LASP1: variants seen among roughly 807,000 people sequenced by gnomAD.
LASP1 encodes LIM and SH3 domain protein 1.
Under a neutral mutation model 38.6 loss-of-function variants are expected in LASP1, and 10 were observed. That is an observed-to-expected ratio of 0.26 (90% CI 0.16 to 0.44). LASP1 has a LOEUF of 0.44. LASP1 is among the 20% of genes least tolerant of loss of function. The pLI, the probability that LASP1 is intolerant of heterozygous loss-of-function variation, is 1.00. For missense variants in LASP1, 243 were observed against 375.7 expected, an observed-to-expected ratio of 0.65 and a Z score of 2.92; for synonymous variants, 132 against 140.8, an observed-to-expected ratio of 0.94 and a Z score of 0.44.
chr17:38,917,228 T>C (rs964402709), intron 6 of LASP1, among the ~76,000 whole-genome samples: 4 of 152,046 alleles, frequency 2.6e-5, no homozygotes, highest in African/African-American at 4.8e-5. Context: ...CAGCCCAAGA[T>C]AGAGGCAGAA....
At chr17:38,877,750 C>G (rs568183500) in intron 1 of LASP1, among the ~76,000 whole-genome samples, 3 of 152,310 alleles carry the variant, frequency 2.0e-5, no homozygotes, top group African/African-American at 7.2e-5. Flanking sequence ...CTCGCCAGCT[C>G]TGGGCAGGAG....
chr17:38,894,841 G>A (rs1381954120), intron 3 of LASP1, among the ~76,000 whole-genome samples: 2 of 152,008 alleles, frequency 1.3e-5, no homozygotes, highest in African/African-American at 2.4e-5. Context: ...AGACTCAAGC[G>A]ATTTTCTCGC....
At chr17:38,901,444 G>A (rs952585925) in intron 4 of LASP1, among the ~76,000 whole-genome samples, 5 of 152,182 alleles carry the variant, frequency 3.3e-5, no homozygotes, top group African/African-American at 4.8e-5. Context: ...AGACCTGTAG[G>A]GTGTGAATGC....
Position 38,906,507 on chromosome 17 carries a change from C to T in LASP1, c.358-7818C>T, listed in dbSNP as rs532918379. ...TCGCACCACTGCACTCCATCCTGGG[C>T]GACAGAGCAAGACTGTCTCAAAATA... On this transcript the variant is annotated intron_variant, in intron 4 of 6. Transcript: ENST00000318008. Among the ~76,000 whole-genome samples, 5 of 151,342 alleles carry T rather than the reference C, an allele frequency of 3.3e-5. No homozygotes were observed. The South Asian group carries it at 6.3e-4, about 19-fold the overall frequency.
chr17:38,870,090 T>C lies in LASP1; in HGVS notation c.-100T>C. ...CCCCAGCTCCAGCCGCCGTCGCTGCTGCCTGTGTAGTTGCAGCCGCGGCCG... is the reference window on the plus strand; with the variant it reads ...CCCCAGCTCCAGCCGCCGTCGCTGCCGCCTGTGTAGTTGCAGCCGCGGCCG... On this transcript the variant is annotated 5_prime_UTR_variant, in exon 1 of 7. Transcript: ENST00000318008. 7.7e-7 allele frequency: 1 copy of C among 1,303,324 alleles called. No homozygotes were observed. The allele number at this position is 1,303,324 out of a possible 1,614,324, so 80.7% of individuals were successfully genotyped here.
chr17:38,894,268 T>G (rs571347217), intron 3 of LASP1, among the ~76,000 whole-genome samples: 12 of 152,330 alleles, frequency 7.9e-5, no homozygotes, highest in African/African-American at 2.9e-4. Context: ...AAGTGCCAAG[T>G]GCCAGTAGAC....
intron 4 of LASP1, among the ~76,000 whole-genome samples, chr17:38,913,272 G>A (rs555126434): frequency 6.6e-6 from 1 of 152,326 alleles, no homozygotes; most frequent in South Asian, 2.1e-4. Context: ...TGAGGGATAT[G>A]ACTTCTTTGG....
rs1913552402 is a variant in LASP1, at chr17:38,870,122, G to T, written c.-68G>T. The T allele has an allele frequency of 6.3e-7, 1 of 1,586,174 alleles. No homozygotes were observed. Among genetic ancestry groups the T allele is most frequent in the African/African-American group, 1.3e-5 (1 of 74,420 alleles). ...GTAGTTGCAGCCGCGGCCGCCTCCC[G>T]CCAGCTCGCCTCGGGGAACAGGACG... On this transcript the variant is annotated 5_prime_UTR_variant, in exon 1 of 7. Coordinates refer to ENST00000318008, the MANE Select transcript of LASP1 (RefSeq NM_006148.4).
chr17:38,888,530 G>T (rs892488057), intron 2 of LASP1, among the ~76,000 whole-genome samples: 1 of 152,176 alleles, frequency 6.6e-6, no homozygotes, highest in South Asian at 2.1e-4. Flanking sequence ...CACCTGCTTT[G>T]GCCTCCCAAA....
chr17:38,911,901 C>G (rs1453309335), intron 4 of LASP1, among the ~76,000 whole-genome samples: 1 of 152,198 alleles, frequency 6.6e-6, no homozygotes, highest in African/African-American at 2.4e-5. Context: ...TCAAGCTATC[C>G]TTTTGCCTCA....
chr17:38,882,388 C>T (rs969642592), intron 2 of LASP1, among the ~76,000 whole-genome samples: 2 of 152,326 alleles, frequency 1.3e-5, no homozygotes, highest in South Asian at 4.1e-4. Flanking sequence ...GCTGGGATTA[C>T]AGGCACCTGC....
chr17:38,916,705 T>C (rs528046772), intron 6 of LASP1: 1 of 151,000 alleles, frequency 6.6e-6, no homozygotes, highest in African/African-American at 2.4e-5. Flanking sequence ...CTACTAAAAA[T>C]ATAAAATTAG....
intron 2 of LASP1, among the ~76,000 whole-genome samples, chr17:38,884,926 G>T (rs944192707): frequency 6.6e-5 from 10 of 152,116 alleles, no homozygotes; most frequent in Non-Finnish European, 1.3e-4. Flanking sequence ...CCTGACCTCA[G>T]ATGATCCGCC....
intron 3 of LASP1, among the ~76,000 whole-genome samples, chr17:38,893,968 A>G (rs1263361914): frequency 6.6e-6 from 1 of 152,230 alleles, no homozygotes; most frequent in Non-Finnish European, 1.5e-5. Flanking sequence ...GAAGCTGCCC[A>G]GGCTATTTCA....
At chr17:38,883,970 A>T (rs1478189760) in intron 2 of LASP1, among the ~76,000 whole-genome samples, 1 of 150,636 alleles carries the variant, frequency 6.6e-6, no homozygotes, top group Non-Finnish European at 1.5e-5. Context: ...CAGCCTTCCC[A>T]GTAGGGGCTT....
chr17:38,903,344 A>C (rs1914695761), intron 4 of LASP1, among the ~76,000 whole-genome samples: 1 of 152,084 alleles, frequency 6.6e-6, no homozygotes, highest in Admixed American at 6.5e-5. Context: ...AGTGCTTGGC[A>C]TGGGATAAAT....
In LASP1 at chr17:38,915,076, A is replaced by G. The variant is rs1430153450; in HGVS notation, c.542A>G (p.Gln181Arg). Residue 181 changes from glutamine to arginine, a missense_variant, in exon 6 of 7, where the codon CAG (glutamine) becomes CGG (arginine). Gln to Arg is a conservative substitution (Grantham distance 43). Around this residue, in one of 4 missense-constraint regions of LASP1, gnomAD observed 165 missense variants for 210.3 expected, o/e 0.78. Transcript: ENST00000318008. Reference sequence around the variant, plus strand: ...CAGCCCCAGCAGCAGCCGGTGGCCCAGTCCTATGGTGGCTACAAGGAGCCT... The same window carrying G: ...CAGCCCCAGCAGCAGCCGGTGGCCCGGTCCTATGGTGGCTACAAGGAGCCT... ...YQQPQQQPVA[Q>R]SYGGYKEPAA... is the part of the protein sequence containing the mutation. The G allele has an allele frequency of 2.5e-6, 4 of 1,613,856 alleles. No individual in the cohort carries two copies. Among genetic ancestry groups the G allele is most frequent in the Non-Finnish European group, 1.7e-6 (2 of 1,179,964 alleles).
chr17:38,882,261 G>GT (rs557576253), intron 2 of LASP1, among the ~76,000 whole-genome samples: 5 of 152,098 alleles, frequency 3.3e-5, no homozygotes, highest in South Asian at 4.1e-4. Flanking sequence ...CTTTTTGTTT[G>GT]TTTTTTTTGA....
At chr17:38,909,864 C>T (rs781195794) in intron 4 of LASP1, among the ~76,000 whole-genome samples, 13 of 152,226 alleles carry the variant, frequency 8.5e-5, no homozygotes, top group East Asian at 1.9e-4. Context: ...TCTCATGACT[C>T]GGCTTCCCAA....
Sources: allele counts gnomAD v4.1 joint callset (sites outside exome capture counted in the v4.1 genomes callset), GRCh38; gene constraint gnomAD v4.1.1; regional missense constraint gnomAD v4.1.1; transcripts MANE v1.5; gene names NCBI Gene and HGNC (gene_info 2026-07-23, HGNC 2026-07-21).